FCHO2: variants seen among roughly 807,000 people sequenced by gnomAD.
FCHO2 encodes F-BAR domain only protein 2.
Under a neutral mutation model 114.1 loss-of-function variants are expected in FCHO2, and 43 were observed. That is an observed-to-expected ratio of 0.38 (90% CI 0.30 to 0.49). FCHO2 has a LOEUF of 0.49. Ranked by LOEUF, FCHO2 falls within the 20% of genes least tolerant of loss-of-function variation. The pLI is 0.97. For synonymous variants in FCHO2, 293 were observed against 315.2 expected, an observed-to-expected ratio of 0.93 and a Z score of 0.75; for missense variants, 807 against 950.4, an observed-to-expected ratio of 0.85 and a Z score of 1.98.
chr5:72,986,529 C>T (rs1324699333), intron 2 of FCHO2, among the ~76,000 whole-genome samples: 2 of 152,184 alleles, frequency 1.3e-5, no homozygotes, highest in East Asian at 3.9e-4. Flanking sequence ...TCTCTTGGAT[C>T]TTGATTCTTA....
chr5:72,989,006 C>G (rs1350017599), intron 2 of FCHO2, among the ~76,000 whole-genome samples: 1 of 152,104 alleles, frequency 6.6e-6, no homozygotes, highest in Non-Finnish European at 1.5e-5. Context: ...CCCTGGAATT[C>G]CAGATTAGCC....
intron 8 of FCHO2, chr5:73,021,041 C>T: frequency 1.8e-6 from 2 of 1,125,644 alleles, no homozygotes; most frequent in Non-Finnish European, 2.7e-6. Context: ...CACATGAATC[C>T]ATGGAAGTTT....
At chr5:72,965,230 T>G (rs565458385) in intron 1 of FCHO2, among the ~76,000 whole-genome samples, 1 of 152,140 alleles carries the variant, frequency 6.6e-6, no homozygotes, top group Non-Finnish European at 1.5e-5. Flanking sequence ...CTTAGAGATA[T>G]TGTGTATTGA....
chr5:73,033,761 T>G (rs2112791866), intron 8 of FCHO2, among the ~76,000 whole-genome samples: 1 of 152,298 alleles, frequency 6.6e-6, no homozygotes, highest in East Asian at 1.9e-4. Context: ...GATATTTCAT[T>G]AGGAGAGTAA....
At chr5:72,970,370 T>C (rs1230590592) in intron 2 of FCHO2, among the ~76,000 whole-genome samples, 1 of 152,180 alleles carries the variant, frequency 6.6e-6, no homozygotes, top group Non-Finnish European at 1.5e-5. Flanking sequence ...CCTTATTCTT[T>C]CCACTCCAGA....
chr5:73,082,938 A>C, intron 24 of FCHO2, 113 bp downstream of exon 24: 1 of 843,646 alleles, frequency 1.2e-6, no homozygotes, highest in Non-Finnish European at 1.8e-6. Context: ...CAGTAACACA[A>C]TCTCAGCTCA....
intron 5 of FCHO2, among the ~76,000 whole-genome samples, chr5:72,999,785 C>T (rs1211491918): frequency 3.9e-5 from 6 of 152,034 alleles, no homozygotes; most frequent in Non-Finnish European, 8.8e-5. Context: ...ATGGATTGTA[C>T]TATAAAAGTC....
At chr5:73,006,928 G>A (rs1430770376) in intron 6 of FCHO2, among the ~76,000 whole-genome samples, 3 of 152,134 alleles carry the variant, frequency 2.0e-5, no homozygotes, top group Non-Finnish European at 4.4e-5. Flanking sequence ...ACATATTAGT[G>A]AGGGAAGACA....
chr5:72,997,371 C>T (rs950996330), intron 5 of FCHO2: 39 of 1,589,618 alleles, frequency 2.5e-5, no homozygotes, highest in Admixed American at 1.7e-4. Context: ...ATTCTTAAGA[C>T]GAGATACTAC....
chr5:72,989,009 G>A (rs1037182299), intron 2 of FCHO2, among the ~76,000 whole-genome samples: 3 of 152,102 alleles, frequency 2.0e-5, no homozygotes, highest in African/African-American at 7.2e-5. Flanking sequence ...TGGAATTCCA[G>A]ATTAGCCTGG....
chr5:73,051,792 A>G (rs1185619861), intron 12 of FCHO2, among the ~76,000 whole-genome samples: 1 of 151,652 alleles, frequency 6.6e-6, no homozygotes, highest in Admixed American at 6.6e-5. Context: ...CTGGTGAAGA[A>G]CTCCTGACCT....
intron 16 of FCHO2, 94 bp downstream of exon 16, chr5:73,056,201 T>A: frequency 1.1e-6 from 1 of 930,438 alleles, no homozygotes; most frequent in African/African-American, 1.7e-5. Context: ...GCACAGAGAT[T>A]TCCCTTTATG....
chr5:73,074,657 C>T (rs1383270935), intron 19 of FCHO2, 85 bp from the exon 20 acceptor site: 1 of 1,262,122 alleles, frequency 7.9e-7, no homozygotes, highest in Non-Finnish European at 1.1e-6. Flanking sequence ...TCGTTTGTGA[C>T]AGCCTAACAA....
At chr5:73,077,868 C>T (rs565343185) in intron 21 of FCHO2, among the ~76,000 whole-genome samples, 1 of 152,164 alleles carries the variant, frequency 6.6e-6, no homozygotes, top group East Asian at 1.9e-4. Flanking sequence ...ATGTTTTCCC[C>T]CTTCTTCTTT....
intron 5 of FCHO2, among the ~76,000 whole-genome samples, chr5:72,998,504 T>A (rs1457085145): frequency 2.0e-5 from 3 of 151,222 alleles, no homozygotes; most frequent in African/African-American, 4.8e-5. Context: ...AAAAAAAAAA[T>A]GTAAGTCACA....
At chr5:73,078,725 G>A (rs984970358) in intron 22 of FCHO2, among the ~76,000 whole-genome samples, 2 of 152,096 alleles carry the variant, frequency 1.3e-5, no homozygotes, top group Non-Finnish European at 2.9e-5. Context: ...CTGGGAAAGA[G>A]GAATCAAAAT....
At position 73,028,767 on chromosome 5, in the gene FCHO2, C is replaced by T. The variant is rs561353902; in HGVS notation, c.797-5890C>T. Among the ~76,000 whole-genome samples, 204 of 149,442 alleles carry T rather than the reference C, an allele frequency of 1.4e-3. 1 individual carries two copies. Among genetic ancestry groups the T allele is most frequent in the Admixed American group, 3.1e-3 (46 of 14,744 alleles). On this transcript the variant is annotated intron_variant, in intron 8 of 25. Transcript: ENST00000430046. ...CCAGGTTCAAGTGATTCTCCTGCTT[C>T]AGCCTCCCAAGCAGCTAGAACTACA...
intron 22 of FCHO2, among the ~76,000 whole-genome samples, chr5:73,079,901 C>G (rs1561497498): frequency 1.3e-5 from 2 of 152,042 alleles, no homozygotes; most frequent in East Asian, 1.9e-4. Flanking sequence ...ATGTATTTCT[C>G]TGTGTGTGTA....
Position 73,011,034 on chromosome 5 carries a change from T to C in FCHO2, c.600+4485T>C, listed in dbSNP as rs1754982401. On this transcript the variant is annotated intron_variant, in intron 6 of 25. Transcript: ENST00000430046. Reference sequence around the variant, plus strand: ...CTGTACTGAATACTGTAGGCAGTTATAACAAAATGGTATTTGTGTCTTTAA... The same window carrying C: ...CTGTACTGAATACTGTAGGCAGTTACAACAAAATGGTATTTGTGTCTTTAA... Among the ~76,000 whole-genome samples the C allele has an allele frequency of 2.0e-5, 3 of 152,192 alleles. No individual in the cohort carries two copies. In the South Asian group the frequency reaches 6.2e-4, roughly 31 times the overall value.
Sources: gnomAD v4.1 joint callset for allele counts (sites outside exome capture counted in the v4.1 genomes callset) on GRCh38, gnomAD v4.1.1 for gene constraint, MANE v1.5 for transcripts, NCBI Gene and HGNC (gene_info 2026-07-23, HGNC 2026-07-21) for gene names.